The following NSUN3 variants were observed in gnomAD, a reference collection of about 807,000 sequenced individuals.
The protein encoded by NSUN3 is NOP2/Sun RNA methyltransferase 3.
NSUN3 carries 24 observed loss-of-function variants against 36.8 expected under a neutral mutation model. The observed-to-expected ratio is 0.65, with a 90% CI of 0.47 to 0.92. The LOEUF (loss-of-function observed/expected upper bound fraction) is 0.92, where lower values mean the gene tolerates loss of function less well. Ranked by LOEUF, NSUN3 falls within the 40% of genes least tolerant of loss-of-function variation. The pLI is 0.00. For synonymous variants in NSUN3, 146 were observed against 145.2 expected, an observed-to-expected ratio of 1.01 and a Z score of -0.04; for missense variants, 381 against 392.8, an observed-to-expected ratio of 0.97 and a Z score of 0.25.
intron 3 of NSUN3, among the ~76,000 whole-genome samples, chr3:94,087,967 T>C (rs2077299158): frequency 1.3e-5 from 2 of 152,124 alleles, no homozygotes; most frequent in African/African-American, 2.4e-5. Flanking sequence ...CTGAGCCCAA[T>C]AGTGATAACT....
At chr3:94,097,852 T>C (rs559207070) in intron 5 of NSUN3, among the ~76,000 whole-genome samples, 13 of 152,324 alleles carry the variant, frequency 8.5e-5, no homozygotes, top group African/African-American at 2.6e-4. Flanking sequence ...CCTACTGATA[T>C]TGATCCTTTT....
Position 94,068,233 on chromosome 3 carries a change from C to T in NSUN3, c.122+3687C>T, listed in dbSNP as rs553259178. On this transcript the variant is annotated intron_variant, in intron 2 of 5. Transcript: ENST00000314622. ...ACAATGTGAATGGAATGTTGTTTGA[C>T]GTATAGTAAGGACTTCATATGCATT... Among the ~76,000 whole-genome samples the T allele has an allele frequency of 5.9e-5, 9 of 152,214 alleles. No homozygotes were observed. In the East Asian group the frequency reaches 7.7e-4, roughly 13 times the overall value.
At position 94,095,091 on chromosome 3, in the gene NSUN3, A is replaced by G. The variant is rs139503630; in HGVS notation, c.680A>G (p.Gln227Arg). The change falls in exon 5 of 6, where the codon CAG becomes CGG. Residue 227 changes from glutamine to arginine, a missense_variant. Coordinates refer to ENST00000314622, the MANE Select transcript of NSUN3 (RefSeq NM_022072.5). ...DRSWLFSSDSQKASCRISQRR... is the reference protein window; with the variant it reads ...DRSWLFSSDSRKASCRISQRR... ...AGCTGGTTGTTTTCTTCTGACTCTC[A>G]GAAGGCATCCTGTAGGATAAGTCAA... The G allele has an allele frequency of 4.9e-5, 79 of 1,613,926 alleles. 1 individual carries two copies. In the African/African-American group the frequency reaches 1.1e-3, roughly 22 times the overall value.
At chr3:94,103,566 A>G (rs1225356346) in intron 5 of NSUN3, among the ~76,000 whole-genome samples, 1 of 151,684 alleles carries the variant, frequency 6.6e-6, no homozygotes, top group African/African-American at 2.4e-5. Flanking sequence ...TACTATGTAG[A>G]GTAATTTATT....
intron 5 of NSUN3, among the ~76,000 whole-genome samples, chr3:94,098,324 C>A (rs974017788): frequency 1.3e-5 from 2 of 152,162 alleles, no homozygotes; most frequent in Non-Finnish European, 2.9e-5. Flanking sequence ...TTTTAACTGG[C>A]CTCTAACTGT....
At chr3:94,119,204 T>C (rs4857026) in intron 5 of NSUN3, among the ~76,000 whole-genome samples, 1,965 of 152,328 alleles carry the variant, frequency 0.013, 160 homozygotes, top group Admixed American at 0.11. Flanking sequence ...CTTAGTATAT[T>C]GTAAAATACA....
At chr3:94,086,183 A>G (rs1235723979) in intron 3 of NSUN3, among the ~76,000 whole-genome samples, 2 of 152,124 alleles carry the variant, frequency 1.3e-5, no homozygotes, top group African/African-American at 4.8e-5. Flanking sequence ...ACCTCAAGTG[A>G]TCTGCCCACC....
chr3:94,114,732 C>T (rs772760445), intron 5 of NSUN3, among the ~76,000 whole-genome samples: 6 of 152,124 alleles, frequency 3.9e-5, no homozygotes, highest in Non-Finnish European at 7.4e-5. Flanking sequence ...AAGCATAGCA[C>T]CAAATAGTTT....
intron 3 of NSUN3, among the ~76,000 whole-genome samples, chr3:94,087,809 TG>T (rs2077297985): frequency 6.6e-6 from 1 of 152,160 alleles, no homozygotes; most frequent in African/African-American, 2.4e-5. Flanking sequence ...TAGCTGGGAC[TG>T]GGCACATGCC....
intron 2 of NSUN3, among the ~76,000 whole-genome samples, chr3:94,069,028 G>A (rs190740237): frequency 6.6e-6 from 1 of 152,286 alleles, no homozygotes; most frequent in African/African-American, 2.4e-5. Context: ...TCTTGTAGTT[G>A]TGGCAAATTC....
At chr3:94,095,284 C>A in intron 5 of NSUN3, 130 bp downstream of exon 5, 1 of 889,296 alleles carries the variant, frequency 1.1e-6, no homozygotes, top group Non-Finnish European at 1.7e-6. Flanking sequence ...AAAGGCTACA[C>A]TCAAAAAATT....
At chr3:94,063,395 T>C (rs2077189836) in intron 1 of NSUN3, 1 of 508,262 alleles carries the variant, frequency 2.0e-6, no homozygotes, top group African/African-American at 1.9e-5. Context: ...GTTTTCTGTG[T>C]CACAGCGGTA....
intron 3 of NSUN3, among the ~76,000 whole-genome samples, chr3:94,093,408 T>C (rs991487915): frequency 1.3e-5 from 2 of 152,164 alleles, no homozygotes; most frequent in East Asian, 3.9e-4. Flanking sequence ...CGTTAAACTG[T>C]AATGTTCAGT....
chr3:94,104,400 A>G (rs899175757), intron 5 of NSUN3, among the ~76,000 whole-genome samples: 1 of 152,162 alleles, frequency 6.6e-6, no homozygotes, highest in Non-Finnish European at 1.5e-5. Context: ...CTGATTTGAC[A>G]ATTTGATCTT....
At chr3:94,081,024 C>G (rs186808353) in intron 2 of NSUN3, among the ~76,000 whole-genome samples, 129 of 152,302 alleles carry the variant, frequency 8.5e-4, no homozygotes, top group African/African-American at 3.0e-3. Context: ...GCTTGAAACC[C>G]AGGGCCCTGG....
intron 3 of NSUN3, among the ~76,000 whole-genome samples, chr3:94,089,991 A>G (rs2077307889): frequency 6.6e-6 from 1 of 152,206 alleles, no homozygotes; most frequent in African/African-American, 2.4e-5. Context: ...TGAGAGGAAC[A>G]TAGAAAATGA....
chr3:94,094,398 C>G (rs1261347258), intron 4 of NSUN3, 104 bp downstream of exon 4: 11 of 1,128,166 alleles, frequency 9.8e-6, no homozygotes, highest in African/African-American at 1.6e-5. Flanking sequence ...TAGCCTGATA[C>G]AGTTTCTCAG....
chr3:94,126,198 T>G lies in NSUN3; in HGVS notation c.744-13T>G. The G allele has an allele frequency of 6.3e-7, 1 of 1,590,382 alleles. No individual in the cohort carries two copies. The highest frequency in any genetic ancestry group is 1.1e-5 in the South Asian group (1 of 87,806). Reference sequence around the variant, plus strand: ...ACTTAACTAATCTTTTGCATTTTTCTGATTGCACACAGGTCTGCAATTAAG... The same window carrying G: ...ACTTAACTAATCTTTTGCATTTTTCGGATTGCACACAGGTCTGCAATTAAG... On this transcript the variant is annotated splice_polypyrimidine_tract_variant and intron_variant, in intron 5 of 5. Transcript: ENST00000314622.
intron 2 of NSUN3, chr3:94,076,116 C>T (rs776900931): frequency 5.3e-5 from 76 of 1,435,782 alleles, no homozygotes; most frequent in Non-Finnish European, 7.3e-5. Context: ...TCTGCATCTT[C>T]TGGGGATTGT....
Sources: allele counts gnomAD v4.1 joint callset (sites outside exome capture counted in the v4.1 genomes callset), GRCh38; gene constraint gnomAD v4.1.1; transcripts MANE v1.5; gene names NCBI Gene and HGNC (gene_info 2026-07-23, HGNC 2026-07-21).